Variants in TBC1D14 observed in about 807,000 individuals in gnomAD.
The protein encoded by TBC1D14 is TBC1 domain family member 14, also known as TBC1 domain family, member 14.
Under a neutral mutation model 79.0 loss-of-function variants are expected in TBC1D14, and 26 were observed. That is an observed-to-expected ratio of 0.33 (90% CI 0.24 to 0.46). TBC1D14 has a LOEUF of 0.46. Ranked by LOEUF, TBC1D14 falls within the 20% of genes least tolerant of loss-of-function variation. The pLI is 1.00. For missense variants in TBC1D14, 769 were observed against 887.6 expected (o/e 0.87, Z 1.70); for synonymous variants, 394 against 349.9 (o/e 1.13, Z -1.40).
chr4:6,948,040 AGAG>A (rs1333693556), intron 2 of TBC1D14, among the ~76,000 whole-genome samples: 2 of 152,208 alleles, frequency 1.3e-5, no homozygotes, highest in Admixed American at 6.5e-5. Flanking sequence ...TTGGGAGCAC[AGAG>A]GAGGGACTGC....
Position 6,923,515 on chromosome 4 carries a change from C to A in TBC1D14, c.126C>A (p.Ser42=). ...ATCTCAAGGCGCCCCGACTCCTCTC[C>A]GCGCCTGAGTACGGGCCCAAGCTGA... ...HVNLKAPRLL[S]APEYGPKLKL... Residue 42 remains serine (S), a synonymous_variant, in exon 2 of 14, where the codon TCC becomes TCA. Transcript: ENST00000409757. 6.2e-7 allele frequency: 1 copy of A among 1,614,186 alleles called. No individual in the cohort carries two copies. The highest frequency in any genetic ancestry group is 2.2e-5 in the East Asian group (1 of 44,872).
chr4:6,960,357 G>A (rs1715076495), intron 2 of TBC1D14, among the ~76,000 whole-genome samples: 1 of 151,264 alleles, frequency 6.6e-6, no homozygotes. Flanking sequence ...CTCCCAACAT[G>A]CTGGGATAAC....
At chr4:7,001,776 A>G (rs1293537618) in intron 7 of TBC1D14, among the ~76,000 whole-genome samples, 1 of 152,064 alleles carries the variant, frequency 6.6e-6, no homozygotes. Context: ...TTGCATGTAC[A>G]CTTCCTCCCT....
intron 1 of TBC1D14, among the ~76,000 whole-genome samples, chr4:6,922,142 C>G (rs989076956): frequency 6.6e-6 from 1 of 152,048 alleles, no homozygotes; most frequent in African/African-American, 2.4e-5. Context: ...AGCCTTAAAC[C>G]TCCCAGGCTC....
chr4:6,924,176 G>A (rs1409635414), intron 2 of TBC1D14, 65 bp downstream of exon 2: 2 of 1,518,852 alleles, frequency 1.3e-6, no homozygotes, highest in African/African-American at 2.8e-5. Flanking sequence ...CCTTGTTCCT[G>A]TCTCAAATGT....
chr4:6,941,464 C>T (rs1012888512), intron 2 of TBC1D14, among the ~76,000 whole-genome samples: 1 of 152,184 alleles, frequency 6.6e-6, no homozygotes, highest in Non-Finnish European at 1.5e-5. Flanking sequence ...GGATTCCTGG[C>T]ATGAGCCACT....
chr4:6,977,062 CTCCTCTCCCTCT>C lies in TBC1D14; in HGVS notation c.843+9639_843+9650del, dbSNP rs1716783751. On this transcript the variant is annotated intron_variant, in intron 3 of 13. Coordinates refer to ENST00000409757, the MANE Select transcript of TBC1D14 (RefSeq NM_020773.3). ...CTCCCTCTCCCTCCTCTCCCTCTCC[CTCCTCTCCCTCT>C]CCCTCTCCCTCTCCCCACTGTCTCC... Among the ~76,000 whole-genome samples, 4 of 24,492 alleles carry C rather than the reference CTCCTCTCCCTCT, an allele frequency of 1.6e-4. 1 individual carries two copies. The highest frequency in any genetic ancestry group is 1.2e-3 in the Admixed American group (2 of 1,736). 16.1% of individuals were successfully genotyped at this position (24,492 alleles called of 152,430 possible).
chr4:7,019,125 C>T (rs930445617), intron 12 of TBC1D14, among the ~76,000 whole-genome samples: 6 of 152,158 alleles, frequency 3.9e-5, no homozygotes, highest in East Asian at 1.9e-4. Flanking sequence ...GGATTCACGC[C>T]ATTCTCCTGC....
In TBC1D14 at chr4:6,994,288, C is replaced by T. The variant is rs369150840; in HGVS notation, c.948C>T (p.Leu316=). 5 of 1,613,922 alleles carry T rather than the reference C, an allele frequency of 3.1e-6. No individual in the cohort carries two copies. Among genetic ancestry groups the T allele is most frequent in the African/African-American group, 1.3e-5 (1 of 74,884 alleles). The change falls in exon 4 of 14, where the codon CTC becomes CTT. Residue 316 remains leucine (L), a synonymous_variant. Transcript: ENST00000409757. ...CACTTTCCACCACCGCACTCATCCT[C>T]GAGGACAGACCAGCGTGAGTTTAAG... ...FEPLSTTALI[L]EDRPANLPAK...
intron 1 of TBC1D14, chr4:6,910,703 C>G (rs1302880961): frequency 6.6e-6 from 1 of 152,234 alleles, no homozygotes; most frequent in African/African-American, 2.4e-5. Context: ...GGAGAATGAC[C>G]CTGTGGACTC....
intron 7 of TBC1D14, among the ~76,000 whole-genome samples, chr4:7,002,211 A>C (rs182637195): frequency 2.6e-4 from 40 of 152,186 alleles, no homozygotes; most frequent in African/African-American, 8.7e-4. Context: ...GGGGCCCGGA[A>C]CTCCCTCTTG....
At chr4:6,917,209 CACTTAAGAACTCAGTTGT>C (rs1723476701) in intron 1 of TBC1D14, among the ~76,000 whole-genome samples, 1 of 152,202 alleles carries the variant, frequency 6.6e-6, no homozygotes, top group African/African-American at 2.4e-5. Flanking sequence ...GGAAGCTGCC[CACTTAAGAACTCAGTTGT>C]TGGTAGTAAT....
intron 2 of TBC1D14, 22 bp from the exon 3 acceptor site, chr4:6,967,282 C>T: frequency 6.2e-7 from 1 of 1,611,986 alleles, no homozygotes; most frequent in Non-Finnish European, 8.5e-7. Flanking sequence ...AATGCCCTAA[C>T]CTTGTTATTT....
chr4:7,013,240 C>T (rs1448972417), intron 11 of TBC1D14, among the ~76,000 whole-genome samples: 1 of 152,224 alleles, frequency 6.6e-6, no homozygotes, highest in Admixed American at 6.5e-5. Context: ...AGCAGCTTGC[C>T]AGCCTCCATA....
At chr4:6,949,608 G>T (rs548361308) in intron 2 of TBC1D14, among the ~76,000 whole-genome samples, 5 of 151,252 alleles carry the variant, frequency 3.3e-5, no homozygotes, top group Admixed American at 1.3e-4. Flanking sequence ...GCTTGAACCC[G>T]CGAGGCAGAG....
chr4:6,932,084 G>C (rs1446917044), intron 2 of TBC1D14, among the ~76,000 whole-genome samples: 1 of 152,146 alleles, frequency 6.6e-6, no homozygotes, highest in East Asian at 1.9e-4. Flanking sequence ...AAGGTGGCCA[G>C]GCGGGTGGCT....
In TBC1D14 at chr4:6,957,555, A is replaced by C. The variant is rs190634677; in HGVS notation, c.723-9749A>C. On this transcript the variant is annotated intron_variant, in intron 2 of 13. Coordinates refer to ENST00000409757, the MANE Select transcript of TBC1D14 (RefSeq NM_020773.3). Reference sequence around the variant, plus strand: ...TAGCGCTCGCCTCTTGCTTTTGCCTACTGGTCTCCTCTGGTCTTGCCAGGA... The same window carrying C: ...TAGCGCTCGCCTCTTGCTTTTGCCTCCTGGTCTCCTCTGGTCTTGCCAGGA... 3.1e-3 allele frequency among the ~76,000 whole-genome samples: 474 copies of C among 152,244 alleles called. 2 individuals carry two copies. Among genetic ancestry groups the C allele is most frequent in the African/African-American group, 0.01 (427 of 41,554 alleles).
intron 3 of TBC1D14, among the ~76,000 whole-genome samples, chr4:6,985,920 A>C (rs1279073937): frequency 6.6e-6 from 1 of 152,246 alleles, no homozygotes; most frequent in Non-Finnish European, 1.5e-5. Context: ...AGATCCACTC[A>C]TTGTAAGTGT....
chr4:6,986,314 A>G (rs902587611), intron 3 of TBC1D14, among the ~76,000 whole-genome samples: 1 of 152,204 alleles, frequency 6.6e-6, no homozygotes, highest in African/African-American at 2.4e-5. Context: ...TTTGCATGCA[A>G]GTCTCTCTGG....
Sources: allele counts gnomAD v4.1 joint callset (sites outside exome capture counted in the v4.1 genomes callset), GRCh38; gene constraint gnomAD v4.1.1; transcripts MANE v1.5; gene names NCBI Gene and HGNC (gene_info 2026-07-23, HGNC 2026-07-21).